DSCAML1: variants seen among roughly 807,000 people sequenced by gnomAD.
The protein encoded by DSCAML1 is cell adhesion molecule DSCAML1.
In DSCAML1, 38 loss-of-function variants were observed where a neutral mutation model predicts 200.5. The ratio of observed to expected loss-of-function variants is 0.19; its 90% CI spans 0.15 to 0.25. The LOEUF is 0.25. Ranked by LOEUF, DSCAML1 falls within the 10% of genes least tolerant of loss-of-function variation. DSCAML1 has a pLI of 1.00. For synonymous variants in DSCAML1, 1,215 were observed against 1,165.0 expected (o/e 1.04, Z -0.87); for missense variants, 2,223 against 2,858.8 (o/e 0.78, Z 5.07).
chr11:117,686,287 G>A (rs918022266), intron 3 of DSCAML1, among the ~76,000 whole-genome samples: 37 of 152,334 alleles, frequency 2.4e-4, no homozygotes, highest in African/African-American at 8.4e-4. Context: ...GCAGAGGTGC[G>A]GTCAAGTGCT....
chr11:117,582,035 C>T (rs529517715), intron 3 of DSCAML1, among the ~76,000 whole-genome samples: 13 of 152,226 alleles, frequency 8.5e-5, no homozygotes, highest in East Asian at 3.9e-4. Context: ...CCATGATCAT[C>T]GGATGCGCAT....
chr11:117,643,712 A>T (rs549114919), intron 3 of DSCAML1, among the ~76,000 whole-genome samples: 21 of 152,182 alleles, frequency 1.4e-4, no homozygotes, highest in African/African-American at 5.1e-4. Context: ...CTCACTCCCC[A>T]GAAACAATGC....
At chr11:117,429,523 C>A (rs1269501999) in intron 32 of DSCAML1, among the ~76,000 whole-genome samples, 1 of 152,166 alleles carries the variant, frequency 6.6e-6, no homozygotes, top group African/African-American at 2.4e-5. Flanking sequence ...AGGCACGTGC[C>A]ACCATGCCCA....
intron 3 of DSCAML1, among the ~76,000 whole-genome samples, chr11:117,719,607 G>T (rs7106419): frequency 0.93 from 140,860 of 152,278 alleles, 65,778 homozygotes; most frequent in South Asian, 0.99. Flanking sequence ...CTGTTACTGG[G>T]GATCAGGTAC....
At chr11:117,795,813 C>T (rs2055562177) in intron 1 of DSCAML1, among the ~76,000 whole-genome samples, 1 of 152,182 alleles carries the variant, frequency 6.6e-6, no homozygotes, top group Non-Finnish European at 1.5e-5. Context: ...CAGGGTTGGA[C>T]CCCTCCCCGG....
chr11:117,581,165 T>C (rs544848756), intron 3 of DSCAML1, among the ~76,000 whole-genome samples: 5 of 152,296 alleles, frequency 3.3e-5, no homozygotes, highest in Admixed American at 3.3e-4. Flanking sequence ...GCCTGTGCAC[T>C]TTGAGGCAGG....
intron 32 of DSCAML1, 129 bp from the exon 33 acceptor site, chr11:117,428,932 G>A: frequency 9.0e-6 from 7 of 778,922 alleles, no homozygotes; most frequent in Middle Eastern, 3.6e-4. Context: ...CCACTGGGGG[G>A]CAATAAAGAG....
intron 3 of DSCAML1, among the ~76,000 whole-genome samples, chr11:117,717,940 G>A (rs555359572): frequency 2.0e-5 from 3 of 152,190 alleles, no homozygotes; most frequent in Non-Finnish European, 4.4e-5. Context: ...AGGAGTGCAG[G>A]TTCCAGCTTC....
chr11:117,793,141 C>A (rs944979981), intron 1 of DSCAML1, among the ~76,000 whole-genome samples: 3 of 152,180 alleles, frequency 2.0e-5, no homozygotes, highest in African/African-American at 7.2e-5. Flanking sequence ...GGTGAGCATG[C>A]AAATCCATAT....
Position 117,505,852 on chromosome 11 carries a change from C to G in DSCAML1, c.1784-120G>C. 1.6e-6 allele frequency: 2 copies of G among 1,251,310 alleles called. No individual in the cohort carries two copies. The highest frequency in any genetic ancestry group is 2.2e-6 in the Non-Finnish European group (2 of 919,276). 77.5% of individuals were successfully genotyped at this position (1,251,310 alleles called of 1,614,324 possible). A position where few individuals can be genotyped will look rare whatever the true frequency, so the allele number is the denominator to read the frequency against. On this transcript the variant is annotated intron_variant, in intron 8 of 32. Coordinates refer to ENST00000651296, the MANE Select transcript of DSCAML1 (RefSeq NM_020693.4). The surrounding 1 kb of genome is among the most constrained non-coding windows in gnomAD (Gnocchi z 6.7). ...GGCCTTGAACAAAGATCCCCTGGGG[C>G]ACTGCAGCCTTGTTCTCCTATGCAT...
At chr11:117,717,349 C>G (rs148482747) in intron 3 of DSCAML1, among the ~76,000 whole-genome samples, 2,061 of 152,260 alleles carry the variant, frequency 0.014, 36 homozygotes, top group African/African-American at 0.046. Context: ...CACCTCTCCC[C>G]GCCCCTGCCT....
chr11:117,428,873 C>G, intron 32 of DSCAML1, 70 bp from the exon 33 acceptor site: 1 of 1,402,092 alleles, frequency 7.1e-7, no homozygotes. Context: ...TCAGCCCCCA[C>G]CCCATCCCCT....
chr11:117,497,140 C>G (rs925745702), intron 11 of DSCAML1, among the ~76,000 whole-genome samples: 1 of 152,192 alleles, frequency 6.6e-6, no homozygotes, highest in Non-Finnish European at 1.5e-5. Context: ...ACTTGTTGAG[C>G]TCTAGTCATG....
chr11:117,702,469 T>C (rs910717013), intron 3 of DSCAML1, among the ~76,000 whole-genome samples: 1 of 152,088 alleles, frequency 6.6e-6, no homozygotes, highest in African/African-American at 2.4e-5. Context: ...TTTCCCTGAC[T>C]GCTCCTCTTT....
chr11:117,505,576 C>T lies in DSCAML1; in HGVS notation c.1940G>A (p.Ser647Asn). 1 of 1,613,814 alleles carries T rather than the reference C, an allele frequency of 6.2e-7. No individual in the cohort carries two copies. The highest frequency in any genetic ancestry group is 8.5e-7 in the Non-Finnish European group (1 of 1,180,034). The part of the protein sequence containing the change: ...IISGSGVTIE[S>N]KEFMSSLQIS... The stretch of plus-strand genomic sequence containing the variant: ...CTGCAGGGAGCTCATGAATTCCTTG[C>T]TCTCGATGGTCACGCCCGAGCCTGA... Residue 647 changes from serine to asparagine, a missense_variant, in exon 9 of 33, where the codon AGC (serine) becomes AAC (asparagine). Around this residue, in one of 7 missense-constraint regions of DSCAML1, gnomAD observed 212 missense variants for 368.0 expected, o/e 0.58. Transcript: ENST00000651296. The surrounding 1 kb of genome is among the most constrained non-coding windows in gnomAD (Gnocchi z 6.7).
intron 3 of DSCAML1, among the ~76,000 whole-genome samples, chr11:117,572,195 C>A (rs2050858935): frequency 6.6e-6 from 1 of 152,238 alleles, no homozygotes; most frequent in South Asian, 2.1e-4. Flanking sequence ...GATCCAAGAA[C>A]CCTCTCTTGG....
At position 117,780,288 on chromosome 11, in the gene DSCAML1, G is replaced by GA. The variant is rs2055223857; in HGVS notation, c.364+204dup. Among the ~76,000 whole-genome samples, 5 of 97,562 alleles carry GA rather than the reference G, an allele frequency of 5.1e-5. No individual in the cohort carries two copies. Among genetic ancestry groups the GA allele is most frequent in the African/African-American group, 1.6e-4 (5 of 31,386 alleles). 64.0% of individuals were successfully genotyped at this position (97,562 alleles called of 152,430 possible). ...AGAAAGAAAGAAAGAAAGAAAGAAAGAAAGAAAGAAAGAAAGAGAGAAAGG... is the reference window on the plus strand; with the variant it reads ...AGAAAGAAAGAAAGAAAGAAAGAAAGAAAAGAAAGAAAGAAAGAGAGAAAGG... On this transcript the variant is annotated intron_variant, in intron 2 of 32. Coordinates refer to ENST00000651296, the MANE Select transcript of DSCAML1 (RefSeq NM_020693.4). This position sits in a 1 kb window ranked among gnomAD's most constrained non-coding sequence, Gnocchi z 4.8.
At chr11:117,788,381 C>T (rs2055401272) in intron 1 of DSCAML1, among the ~76,000 whole-genome samples, 1 of 152,196 alleles carries the variant, frequency 6.6e-6, no homozygotes, top group African/African-American at 2.4e-5. Flanking sequence ...GGCTGGAGTG[C>T]AGTGGCACCA....
At chr11:117,443,734 G>T (rs921969446) in intron 21 of DSCAML1, 152 bp downstream of exon 21, 8 of 1,076,630 alleles carry the variant, frequency 7.4e-6, no homozygotes, top group Non-Finnish European at 1.1e-5. Context: ...GCCCAGTCTT[G>T]GTGTGTGCGG....
Sources: allele counts gnomAD v4.1 joint callset (sites outside exome capture counted in the v4.1 genomes callset), GRCh38; gene constraint gnomAD v4.1.1; regional missense constraint gnomAD v4.1.1; non-coding constraint Gnocchi (gnomAD v3.1); transcripts MANE v1.5; gene names NCBI Gene and HGNC (gene_info 2026-07-23, HGNC 2026-07-21).